The following RASAL2 variants were observed in gnomAD, a reference collection of about 807,000 sequenced individuals.
RASAL2 encodes RAS protein activator like 2.
In RASAL2, 58 loss-of-function variants were observed where a neutral mutation model predicts 128.9. That is an observed-to-expected ratio of 0.45 (90% CI 0.36 to 0.56). The LOEUF (loss-of-function observed/expected upper bound fraction) is 0.56. Among genes scored for constraint, RASAL2 ranks in the 20% least tolerant of loss-of-function variants. The pLI, the probability that RASAL2 is intolerant of heterozygous loss-of-function variation, is 0.00. For synonymous variants in RASAL2, 561 were observed against 580.8 expected, an observed-to-expected ratio of 0.97 and a Z score of 0.49; for missense variants, 1,360 against 1,601.6, an observed-to-expected ratio of 0.85 and a Z score of 2.57.
At chr1:178,180,429 C>T (rs1016324159) in intron 1 of RASAL2, among the ~76,000 whole-genome samples, 51 of 145,078 alleles carry the variant, frequency 3.5e-4, no homozygotes, top group African/African-American at 1.1e-3. Flanking sequence ...GGATGGATCG[C>T]TTGAGTCCAG....
chr1:178,258,428 C>A (rs1665490691), intron 1 of RASAL2, among the ~76,000 whole-genome samples: 1 of 151,856 alleles, frequency 6.6e-6, no homozygotes, highest in Admixed American at 6.6e-5. Context: ...AATAAAAAGA[C>A]AAGCCAATTT....
Position 178,210,800 on chromosome 1 carries a change from A to G in RASAL2, c.203-72764A>G, listed in dbSNP as rs192313790. Among the ~76,000 whole-genome samples the G allele has an allele frequency of 3.3e-5, 5 of 152,340 alleles. 1 individual carries two copies. Among genetic ancestry groups the G allele is most frequent in the Admixed American group, 3.3e-4 (5 of 15,302 alleles). ...AATCATTTTGGGCTTAGGATAATGC[A>G]TTTCTCTTAATAAAATTTTTGTTTG... On this transcript the variant is annotated intron_variant, in intron 1 of 17. Coordinates refer to ENST00000367649, the MANE Select transcript of RASAL2 (RefSeq NM_170692.4).
At chr1:178,320,846 C>T (rs1009233729) in intron 3 of RASAL2, among the ~76,000 whole-genome samples, 14 of 152,258 alleles carry the variant, frequency 9.2e-5, no homozygotes, top group Middle Eastern at 3.4e-3. Flanking sequence ...CTATTTAATT[C>T]GTAAAATTTA....
intron 4 of RASAL2, among the ~76,000 whole-genome samples, chr1:178,417,859 A>C (rs934109914): frequency 4.6e-5 from 7 of 152,080 alleles, no homozygotes; most frequent in Non-Finnish European, 7.4e-5. Context: ...CAAATGCTTA[A>C]CTGTATTTTC....
chr1:178,439,612 A>G, intron 6 of RASAL2, 37 bp downstream of exon 6: 1 of 1,595,732 alleles, frequency 6.3e-7, no homozygotes, highest in Non-Finnish European at 8.6e-7. Flanking sequence ...AGAGTAGTTA[A>G]ACAACAATTG....
At position 178,094,282 on chromosome 1, in the gene RASAL2, G is replaced by T. The variant is rs1447234247; in HGVS notation, c.-211G>T. 4 of 546,562 alleles carry T rather than the reference G, an allele frequency of 7.3e-6. No individual in the cohort carries two copies. Among genetic ancestry groups the T allele is most frequent in the South Asian group, 2.4e-5 (1 of 41,110 alleles). 33.9% of individuals were successfully genotyped at this position (546,562 alleles called of 1,614,324 possible). ...ACGCTGGATCCTCCTCCCGGCCTGG[G>T]TCCCGCCCGCCGACTGCAGGTGGGC... On this transcript the variant is annotated 5_prime_UTR_variant, in exon 1 of 18. Transcript: ENST00000367649.
intron 1 of RASAL2, chr1:178,123,708 C>T (rs1162916056): frequency 6.6e-6 from 1 of 152,070 alleles, no homozygotes; most frequent in African/African-American, 2.4e-5. Context: ...TTTGTTTTTT[C>T]TGTCACCCAG....
intron 5 of RASAL2, among the ~76,000 whole-genome samples, chr1:178,438,363 A>G (rs1340015983): frequency 1.3e-5 from 2 of 152,018 alleles, no homozygotes; most frequent in African/African-American, 4.8e-5. Context: ...AAATGAAGCT[A>G]CTTATTTAAT....
At chr1:178,307,331 A>G (rs1487123631) in intron 3 of RASAL2, among the ~76,000 whole-genome samples, 2 of 152,182 alleles carry the variant, frequency 1.3e-5, no homozygotes, top group African/African-American at 2.4e-5. Flanking sequence ...GCATGTGTGC[A>G]TCATGTCTAA....
intron 1 of RASAL2, among the ~76,000 whole-genome samples, chr1:178,171,400 CA>C (rs1274889242): frequency 6.6e-6 from 1 of 151,746 alleles, no homozygotes; most frequent in Non-Finnish European, 1.5e-5. Flanking sequence ...GCTTTCCCCA[CA>C]AAAGAATAAA....
intron 2 of RASAL2, among the ~76,000 whole-genome samples, chr1:178,291,604 GC>G (rs1667282271): frequency 6.6e-6 from 1 of 152,132 alleles, no homozygotes; most frequent in Non-Finnish European, 1.5e-5. Flanking sequence ...AAAATGTGAA[GC>G]CATTGCTTTA....
intron 1 of RASAL2, among the ~76,000 whole-genome samples, chr1:178,167,082 A>C (rs566579443): frequency 2.6e-5 from 4 of 152,276 alleles, no homozygotes; most frequent in African/African-American, 9.6e-5. Flanking sequence ...TAAATCCAAT[A>C]AGACTTTCCT....
At chr1:178,305,804 T>G (rs1288288311) in intron 3 of RASAL2, among the ~76,000 whole-genome samples, 1 of 152,122 alleles carries the variant, frequency 6.6e-6, no homozygotes, top group Non-Finnish European at 1.5e-5. Context: ...AACCCTGAGA[T>G]TTAATGACAT....
chr1:178,118,856 GTT>G (rs34608577), intron 1 of RASAL2, among the ~76,000 whole-genome samples: 81 of 148,024 alleles, frequency 5.5e-4, no homozygotes, highest in Middle Eastern at 6.9e-3. Flanking sequence ...AATTGAGCAG[GTT>G]TTTTTTTTTT....
At chr1:178,186,364 G>A (rs572401768) in intron 1 of RASAL2, among the ~76,000 whole-genome samples, 28 of 151,128 alleles carry the variant, frequency 1.9e-4, no homozygotes, top group Non-Finnish European at 3.5e-4. Context: ...TTGATTCTCC[G>A]TTTTCATTTC....
chr1:178,370,418 G>A (rs941480750), intron 3 of RASAL2, among the ~76,000 whole-genome samples: 55 of 152,286 alleles, frequency 3.6e-4, no homozygotes, highest in African/African-American at 1.3e-3. Flanking sequence ...TATTAAGCAT[G>A]CATAGCCTGT....
At chr1:178,243,569 C>G (rs1664619378) in intron 1 of RASAL2, among the ~76,000 whole-genome samples, 1 of 150,192 alleles carries the variant, frequency 6.7e-6, no homozygotes, top group South Asian at 2.1e-4. Context: ...ATCATTACCC[C>G]TTGCTAGTGA....
chr1:178,439,839 G>A (rs1676504789), intron 6 of RASAL2, among the ~76,000 whole-genome samples: 1 of 151,774 alleles, frequency 6.6e-6, no homozygotes, highest in East Asian at 1.9e-4. Context: ...TTTCATCAGG[G>A]GACAAGACTA....
intron 1 of RASAL2, among the ~76,000 whole-genome samples, chr1:178,240,892 C>T (rs1044731424): frequency 6.6e-6 from 1 of 150,844 alleles, no homozygotes; most frequent in Non-Finnish European, 1.5e-5. Context: ...TTTTAAGGTT[C>T]CTTTTTATTT....
Sources: allele counts gnomAD v4.1 joint callset (sites outside exome capture counted in the v4.1 genomes callset), GRCh38; gene constraint gnomAD v4.1.1; transcripts MANE v1.5; gene names NCBI Gene and HGNC (gene_info 2026-07-23, HGNC 2026-07-21).